Variants in DMD observed in about 807,000 individuals in gnomAD.
DMD encodes dystrophin, also known as mutant dystrophin.
Under a neutral mutation model 330.1 loss-of-function variants are expected in DMD, and 63 were observed. The ratio of observed to expected loss-of-function variants is 0.19; its 90% CI spans 0.16 to 0.24. DMD has a LOEUF of 0.24. Among genes scored for constraint, DMD ranks in the 10% least tolerant of loss-of-function variants. The pLI is 1.00. For missense variants in DMD, 3,344 were observed against 2,684.1 expected (o/e 1.25, Z -5.43); for synonymous variants, 1,223 against 959.8 (o/e 1.27, Z -5.07).
chrX:31,654,036 A>G (rs2080624873), intron 54 of DMD, among the ~76,000 whole-genome samples: 1 of 111,923 alleles, frequency 8.9e-6, no homozygotes. Flanking sequence ...TCATATCAAA[A>G]GCCACTGTAG....
chrX:31,345,672 G>C (rs188683980), intron 61 of DMD, among the ~76,000 whole-genome samples: 216 of 111,619 alleles, frequency 1.9e-3, no homozygotes, highest in Middle Eastern at 0.019. Context: ...ACCAAGGCAA[G>C]TTAAGTAGAC....
At chrX:31,715,327 G>A (rs2084952996) in intron 52 of DMD, among the ~76,000 whole-genome samples, 2 of 106,937 alleles carry the variant, frequency 1.9e-5, no homozygotes, top group Admixed American at 1.0e-4. Context: ...GGCGGATCAC[G>A]AGGTCAGGAG....
intron 60 of DMD, among the ~76,000 whole-genome samples, chrX:31,360,941 G>A (rs1191649575): frequency 1.8e-5 from 2 of 111,548 alleles, no homozygotes; most frequent in Non-Finnish European, 3.8e-5. Context: ...CTGAGTAAAT[G>A]GTAACTGTTA....
chrX:33,219,093 G>A (rs1350093569), intron 1 of DMD, among the ~76,000 whole-genome samples: 1 of 111,468 alleles, frequency 9.0e-6, no homozygotes. Context: ...CAGTATAAGT[G>A]ACTACTATCT....
chrX:32,792,408 G>C (rs73621833), intron 7 of DMD, among the ~76,000 whole-genome samples: 12,550 of 110,389 alleles, frequency 0.11, 1,613 homozygotes, highest in African/African-American at 0.38. Context: ...AAAAAATGAA[G>C]AAAAAATATT....
chrX:31,908,955 C>T (rs1292911076), intron 47 of DMD, among the ~76,000 whole-genome samples: 2 of 111,863 alleles, frequency 1.8e-5, no homozygotes, highest in African/African-American at 3.3e-5. Context: ...AAAGGGATAT[C>T]GGTGGGGCAC....
intron 44 of DMD, among the ~76,000 whole-genome samples, chrX:32,208,238 G>A (rs1306489207): frequency 8.9e-6 from 1 of 112,277 alleles, no homozygotes; most frequent in East Asian, 2.8e-4. Context: ...AACACTTAGA[G>A]TGTGGAAACA....
chrX:32,263,391 A>T (rs1372487302), intron 43 of DMD, among the ~76,000 whole-genome samples: 1 of 112,218 alleles, frequency 8.9e-6, no homozygotes, highest in Non-Finnish European at 1.9e-5. Flanking sequence ...GGTACAACAT[A>T]TTGTTATCAA....
chrX:33,254,420 G>A (rs976980323), intron 1 of DMD, among the ~76,000 whole-genome samples: 5 of 109,831 alleles, frequency 4.6e-5, no homozygotes, highest in East Asian at 2.8e-4. Context: ...TGGGGTCTGG[G>A]GCAAATTAGA....
chrX:32,698,063 G>A, intron 8 of DMD, 65 bp from the exon 9 acceptor site: 3 of 1,089,775 alleles, frequency 2.8e-6, no homozygotes, highest in Non-Finnish European at 3.7e-6. Context: ...AACCCGAAAG[G>A]ACTACTTTCC....
intron 19 of DMD, among the ~76,000 whole-genome samples, chrX:32,499,248 G>A (rs951135682): frequency 5.4e-5 from 6 of 111,604 alleles, no homozygotes; most frequent in African/African-American, 1.9e-4. Flanking sequence ...GCATATACCA[G>A]TATAGATACA....
At chrX:33,009,392 A>G (rs751335702) in intron 2 of DMD, among the ~76,000 whole-genome samples, 2 of 85,159 alleles carry the variant, frequency 2.3e-5, no homozygotes, top group Non-Finnish European at 4.5e-5. Context: ...ACGTGTATAT[A>G]TGTGTGTATA....
intron 11 of DMD, among the ~76,000 whole-genome samples, chrX:32,631,158 T>C (rs1050957854): frequency 1.8e-5 from 2 of 111,551 alleles, no homozygotes; most frequent in African/African-American, 6.5e-5. Context: ...TAGATAATCT[T>C]TTTCTCTTTC....
chrX:32,178,830 G>GTGTGT (rs1569549001), intron 44 of DMD, among the ~76,000 whole-genome samples: 7,421 of 99,103 alleles, frequency 0.075, 253 homozygotes, highest in African/African-American at 0.11. Context: ...TATTCCAGGG[G>GTGTGT]GTGTGTGTGT....
chrX:31,553,479 T>C (rs1162875293), intron 55 of DMD, among the ~76,000 whole-genome samples: 2 of 112,289 alleles, frequency 1.8e-5, no homozygotes, highest in East Asian at 2.8e-4. Flanking sequence ...ACAATTACTT[T>C]TGCACCAACC....
intron 50 of DMD, among the ~76,000 whole-genome samples, chrX:31,777,347 C>T (rs986799415): frequency 3.6e-5 from 4 of 111,394 alleles, no homozygotes; most frequent in Non-Finnish European, 7.5e-5. Context: ...GCCCCCAACC[C>T]CACACACATA....
At chrX:31,919,305 T>A (rs1446089146) in intron 47 of DMD, among the ~76,000 whole-genome samples, 1 of 112,523 alleles carries the variant, frequency 8.9e-6, no homozygotes, top group Non-Finnish European at 1.9e-5. Context: ...TTCATTCTTT[T>A]ATAAAAGTTT....
intron 37 of DMD, among the ~76,000 whole-genome samples, chrX:32,353,597 T>C (rs1488738062): frequency 9.0e-6 from 1 of 111,377 alleles, no homozygotes; most frequent in African/African-American, 3.2e-5. Flanking sequence ...GCACACAAAA[T>C]AGGTTTTAGT....
At chrX:31,210,277 C>A (rs1220514240) in intron 64 of DMD, among the ~76,000 whole-genome samples, 7 of 111,774 alleles carry the variant, frequency 6.3e-5, no homozygotes, top group African/African-American at 2.3e-4. Flanking sequence ...TTTCTATAGG[C>A]AAACTAAAGT....
Sources: gnomAD v4.1 joint callset for allele counts (sites outside exome capture counted in the v4.1 genomes callset) on GRCh38, gnomAD v4.1.1 for gene constraint, MANE v1.5 for transcripts, NCBI Gene and HGNC (gene_info 2026-07-23, HGNC 2026-07-21) for gene names.